The following PRKN variants were observed in gnomAD, a reference collection of about 807,000 sequenced individuals.
The protein encoded by PRKN is parkin RBR E3 ubiquitin protein ligase, also known as E3 ubiquitin-protein ligase parkin.
In PRKN, 56 loss-of-function variants were observed where a neutral mutation model predicts 59.5. The observed-to-expected ratio is 0.94, with a 90% CI of 0.76 to 1.18. The LOEUF is 1.18. Among genes scored for constraint, PRKN ranks in the 50% most tolerant of loss-of-function variants. The pLI is 0.00. For missense variants in PRKN, 657 were observed against 596.4 expected (o/e 1.10, Z -1.06); for synonymous variants, 250 against 222.1 (o/e 1.13, Z -1.12).
chr6:162,699,582 C>A (rs932416372), intron 1 of PRKN, among the ~76,000 whole-genome samples: 1 of 152,150 alleles, frequency 6.6e-6, no homozygotes, highest in Non-Finnish European at 1.5e-5. Flanking sequence ...TTAAATTTTT[C>A]ATTCAAACAT....
At chr6:162,296,141 G>C (rs1344875152) in intron 2 of PRKN, among the ~76,000 whole-genome samples, 1 of 152,098 alleles carries the variant, frequency 6.6e-6, no homozygotes, top group Non-Finnish European at 1.5e-5. Flanking sequence ...TGGGTAAAAA[G>C]AAGGAAAAGA....
intron 9 of PRKN, among the ~76,000 whole-genome samples, chr6:161,437,307 T>C (rs557064177): frequency 6.6e-6 from 1 of 152,264 alleles, no homozygotes; most frequent in African/African-American, 2.4e-5. Context: ...TCTGGGCGCG[T>C]GGTGTCTACA....
chr6:161,944,018 ATC>A (rs1779680088), intron 6 of PRKN, among the ~76,000 whole-genome samples: 1 of 138,610 alleles, frequency 7.2e-6, no homozygotes, highest in Non-Finnish European at 1.6e-5. Context: ...AGCCTGAGGG[ATC>A]AGCCTGAGGA....
rs375562945 is a variant in PRKN, at chr6:162,656,481, T to C, written c.7+71181A>G. On this transcript the variant is annotated intron_variant, in intron 1 of 11. Coordinates refer to ENST00000366898, the MANE Select transcript of PRKN (RefSeq NM_004562.3). ...ATCCCATTATTTAAGCTAAAAGGTGTATGTCATACTTGAACCTCTCTTTCA... is the reference window on the plus strand; with the variant it reads ...ATCCCATTATTTAAGCTAAAAGGTGCATGTCATACTTGAACCTCTCTTTCA... 1.0e-3 allele frequency among the ~76,000 whole-genome samples: 156 copies of C among 152,308 alleles called. 1 individual carries two copies. Among genetic ancestry groups the C allele is most frequent in the African/African-American group, 3.6e-3 (148 of 41,564 alleles).
At chr6:162,378,862 A>T (rs1162273077) in intron 2 of PRKN, among the ~76,000 whole-genome samples, 1 of 152,198 alleles carries the variant, frequency 6.6e-6, no homozygotes, top group Non-Finnish European at 1.5e-5. Context: ...ATGCCCCCAA[A>T]TAAGACCTGG....
chr6:162,577,667 A>G (rs1780616709), intron 1 of PRKN, among the ~76,000 whole-genome samples: 1 of 151,954 alleles, frequency 6.6e-6, no homozygotes, highest in Non-Finnish European at 1.5e-5. Context: ...ACAGTGGCTC[A>G]CCTATAATCC....
chr6:161,641,935 G>A (rs966732947), intron 7 of PRKN, among the ~76,000 whole-genome samples: 3 of 152,170 alleles, frequency 2.0e-5, no homozygotes, highest in African/African-American at 7.2e-5. Context: ...CAACAATGTT[G>A]AAGTTTCTGC....
intron 7 of PRKN, among the ~76,000 whole-genome samples, chr6:161,696,761 T>C (rs1481607319): frequency 3.3e-5 from 5 of 152,210 alleles, no homozygotes; most frequent in African/African-American, 1.2e-4. Context: ...GGAATATGTA[T>C]GTTAAATTTA....
chr6:161,733,021 CT>C (rs747062184), intron 7 of PRKN, among the ~76,000 whole-genome samples: 1 of 152,036 alleles, frequency 6.6e-6, no homozygotes, highest in Non-Finnish European at 1.5e-5. Flanking sequence ...TCAGAAAATG[CT>C]GCTAACAGAA....
chr6:162,657,605 T>C (rs1177125099), intron 1 of PRKN, among the ~76,000 whole-genome samples: 1 of 152,234 alleles, frequency 6.6e-6, no homozygotes, highest in Admixed American at 6.5e-5. Context: ...AAGTTGTTTT[T>C]GCCATATTTT....
intron 7 of PRKN, among the ~76,000 whole-genome samples, chr6:161,737,358 A>G (rs1232920417): frequency 6.6e-6 from 1 of 152,232 alleles, no homozygotes; most frequent in African/African-American, 2.4e-5. Context: ...TGAGGTTCAC[A>G]TGAGGGACAG....
intron 5 of PRKN, among the ~76,000 whole-genome samples, chr6:162,006,980 A>T (rs1191651915): frequency 6.6e-6 from 1 of 152,162 alleles, no homozygotes; most frequent in African/African-American, 2.4e-5. Flanking sequence ...ATATACAGTT[A>T]AAAAATTATA....
At chr6:162,315,979 G>A (rs1782737063) in intron 2 of PRKN, among the ~76,000 whole-genome samples, 3 of 152,044 alleles carry the variant, frequency 2.0e-5, no homozygotes, top group African/African-American at 4.8e-5. Flanking sequence ...AGTAAATCTG[G>A]CCATCAGGCA....
intron 4 of PRKN, among the ~76,000 whole-genome samples, chr6:162,138,720 T>C (rs911683643): frequency 6.6e-6 from 1 of 151,870 alleles, no homozygotes; most frequent in Non-Finnish European, 1.5e-5. Context: ...ATGTAATATA[T>C]GGAGAGAAAA....
chr6:162,663,019 G>A (rs1201336547), intron 1 of PRKN, among the ~76,000 whole-genome samples: 2 of 152,238 alleles, frequency 1.3e-5, no homozygotes, highest in Admixed American at 1.3e-4. Context: ...ATCTTGCACT[G>A]GGAGAACAAG....
intron 6 of PRKN, among the ~76,000 whole-genome samples, chr6:161,964,721 A>G (rs1252673429): frequency 6.6e-6 from 1 of 152,060 alleles, no homozygotes; most frequent in Non-Finnish European, 1.5e-5. Context: ...AAAACCACTT[A>G]CTGTGAAAGG....
In PRKN at chr6:161,373,955, G is replaced by A. The variant is rs2114904809; in HGVS notation, c.1167+12839C>T. 6.6e-6 allele frequency among the ~76,000 whole-genome samples: 1 copy of A among 152,290 alleles called. No individual in the cohort carries two copies. Among genetic ancestry groups the A allele is most frequent in the East Asian group, 1.9e-4 (1 of 5,178 alleles). On this transcript the variant is annotated intron_variant, in intron 10 of 11. Transcript: ENST00000366898. The surrounding 1 kb of genome is among the most constrained non-coding windows in gnomAD (Gnocchi z 4.8). ...GGGCCACTATGCAGGCGTGGCTGGG[G>A]TGCCTTTCAAAGTGGCGTTCACTCC...
At chr6:161,777,748 G>T (rs1045068904) in intron 7 of PRKN, among the ~76,000 whole-genome samples, 4 of 124,646 alleles carry the variant, frequency 3.2e-5, no homozygotes, top group African/African-American at 6.5e-5. Flanking sequence ...TGTATATATA[G>T]ATATATATGT....
At chr6:162,624,973 C>A (rs574984050) in intron 1 of PRKN, among the ~76,000 whole-genome samples, 2 of 152,340 alleles carry the variant, frequency 1.3e-5, no homozygotes, top group Admixed American at 1.3e-4. Context: ...CAACCATCTG[C>A]TACCACTTCC....
Sources: gnomAD v4.1 joint callset for allele counts (sites outside exome capture counted in the v4.1 genomes callset) on GRCh38, gnomAD v4.1.1 for gene constraint, Gnocchi (gnomAD v3.1) non-coding constraint, MANE v1.5 for transcripts, NCBI Gene and HGNC (gene_info 2026-07-23, HGNC 2026-07-21) for gene names.